MTFR1: variants seen among roughly 807,000 people sequenced by gnomAD.
The protein encoded by MTFR1 is chondrocyte protein with a poly-proline region.
In MTFR1, 28 loss-of-function variants were observed where a neutral mutation model predicts 38.8. The ratio of observed to expected loss-of-function variants is 0.72; its 90% CI spans 0.53 to 0.99. The LOEUF (loss-of-function observed/expected upper bound fraction) is 0.99, where lower values mean the gene tolerates loss of function less well. MTFR1 is among the 50% of genes least tolerant of loss of function. The pLI, the probability that MTFR1 is intolerant of heterozygous loss-of-function variation, is 0.00. For missense variants in MTFR1, 358 were observed against 395.5 expected (o/e 0.91, Z 0.81); for synonymous variants, 145 against 137.0 (o/e 1.06, Z -0.41).
At chr8:65,765,272 G>A (rs1585892966) in intron 3 of MTFR1, among the ~76,000 whole-genome samples, 1 of 151,544 alleles carries the variant, frequency 6.6e-6, no homozygotes, top group African/African-American at 2.4e-5. Context: ...GGCGGATCAC[G>A]AGGTCAGGAG....
At chr8:65,754,250 C>G (rs373058314) in intron 3 of MTFR1, among the ~76,000 whole-genome samples, 1 of 152,054 alleles carries the variant, frequency 6.6e-6, no homozygotes, top group Non-Finnish European at 1.5e-5. Flanking sequence ...GGTGCCCCCC[C>G]GCCCCAAGAT....
intron 3 of MTFR1, among the ~76,000 whole-genome samples, chr8:65,724,089 C>T (rs1253889495): frequency 6.6e-6 from 1 of 152,154 alleles, no homozygotes; most frequent in Non-Finnish European, 1.5e-5. Flanking sequence ...ATTTTCAAAA[C>T]AGATGCTCAA....
intron 1 of MTFR1, among the ~76,000 whole-genome samples, chr8:65,650,288 C>T (rs567034332): frequency 2.9e-4 from 43 of 148,430 alleles, no homozygotes; most frequent in Non-Finnish European, 5.3e-4. Flanking sequence ...TTCTCTGCCT[C>T]AGCCTCCCGA....
Position 65,706,915 on chromosome 8 carries a change from GT to G in MTFR1, c.518-94del. The G allele has an allele frequency of 2.2e-6, 3 of 1,374,306 alleles. No homozygotes were observed. In the South Asian group the frequency reaches 4.4e-5, roughly 20 times the overall value. The allele number at this position is 1,374,306 out of a possible 1,614,324, so 85.1% of individuals were successfully genotyped here. A position where few individuals can be genotyped will look rare whatever the true frequency, so the allele number is the denominator to read the frequency against. On this transcript the variant is annotated intron_variant, in intron 5 of 7. Transcript: ENST00000262146. ...AACGTTAAGAATATTGTTTTTAGGG[GT>G]ACAAAAATCTTTAACATCATTTTGC...
intron 3 of MTFR1, among the ~76,000 whole-genome samples, chr8:65,688,301 G>T (rs1269083503): frequency 6.6e-6 from 1 of 151,138 alleles, no homozygotes; most frequent in Non-Finnish European, 1.5e-5. Context: ...TTGGGAGGCT[G>T]ATGCAGGAGA....
intron 1 of MTFR1, among the ~76,000 whole-genome samples, chr8:65,650,010 T>C (rs1809076061): frequency 6.6e-6 from 1 of 151,480 alleles, no homozygotes; most frequent in South Asian, 2.1e-4. Context: ...GGCTGATTTT[T>C]GTATTTTTAG....
At chr8:65,673,553 A>G (rs1030643083) in intron 2 of MTFR1, among the ~76,000 whole-genome samples, 4 of 151,526 alleles carry the variant, frequency 2.6e-5, no homozygotes, top group Non-Finnish European at 4.4e-5. Flanking sequence ...ATGTATACCT[A>G]TTTAACAAAC....
chr8:65,723,612 T>C, intron 3 of MTFR1: 1 of 1,565,534 alleles, frequency 6.4e-7, no homozygotes, highest in Non-Finnish European at 8.6e-7. Flanking sequence ...ATATTTTTTT[T>C]CTATATCTCC....
chr8:65,719,878 G>T (rs1233678851), intron 3 of MTFR1: 1 of 243,224 alleles, frequency 4.1e-6, no homozygotes, highest in East Asian at 9.5e-5. Context: ...GGCTAAGAAG[G>T]GGTCTCCTTC....
At chr8:65,688,327 G>A (rs1286095271) in intron 3 of MTFR1, among the ~76,000 whole-genome samples, 1 of 150,814 alleles carries the variant, frequency 6.6e-6, no homozygotes, top group Non-Finnish European at 1.5e-5. Context: ...TTGAACCCAG[G>A]AGGCTGAGGT....
intron 1 of MTFR1, among the ~76,000 whole-genome samples, chr8:65,657,232 C>T (rs865851535): frequency 1.3e-5 from 2 of 152,070 alleles, no homozygotes; most frequent in African/African-American, 2.4e-5. Flanking sequence ...GGGCTGGTCT[C>T]GAATTCCTGA....
At chr8:65,682,919 G>A in intron 3 of MTFR1, 1 of 985,238 alleles carries the variant, frequency 1.0e-6, no homozygotes, top group South Asian at 4.7e-5. Context: ...CCATTGCCTT[G>A]GCAATGACAG....
chr8:65,645,849 A>T (rs1412831953), intron 1 of MTFR1, among the ~76,000 whole-genome samples: 1 of 152,222 alleles, frequency 6.6e-6, no homozygotes, highest in African/African-American at 2.4e-5. Context: ...ATTTTGAAGC[A>T]AATCCCAGAC....
chr8:65,748,876 G>A (rs1390543996), intron 3 of MTFR1, among the ~76,000 whole-genome samples: 1 of 152,196 alleles, frequency 6.6e-6, no homozygotes, highest in Non-Finnish European at 1.5e-5. Flanking sequence ...TAAAATTGAT[G>A]CTGCTCCCAC....
intron 1 of MTFR1, among the ~76,000 whole-genome samples, chr8:65,656,203 A>G (rs939045126): frequency 7.3e-5 from 11 of 151,512 alleles, no homozygotes; most frequent in Non-Finnish European, 1.2e-4. Flanking sequence ...TCTCAAAAAA[A>G]CAAAACAAAA....
intron 1 of MTFR1, among the ~76,000 whole-genome samples, chr8:65,657,779 G>T (rs768490912): frequency 1.3e-5 from 2 of 151,262 alleles, no homozygotes; most frequent in Non-Finnish European, 1.5e-5. Context: ...ATAACTTCAC[G>T]TTCCTTTTTT....
Position 65,747,564 on chromosome 8 carries a change from G to C in MTFR1, c.*49-23383G>C, listed in dbSNP as rs1022313643. On this transcript the variant is annotated intron_variant, in intron 3 of 3. Transcript: ENST00000521247. ...ACTGCTTTTCATAGACAGAGAAAAA[G>C]ACTCTATAAATCATTACTGTATGGG... The C allele has an allele frequency of 2.6e-5, 19 of 730,418 alleles. No individual in the cohort carries two copies. In the East Asian group the frequency reaches 5.8e-4, roughly 22 times the overall value. 45.2% of individuals were successfully genotyped at this position (730,418 alleles called of 1,614,324 possible). A position where few individuals can be genotyped will look rare whatever the true frequency, so the allele number is the denominator to read the frequency against.
Position 65,738,755 on chromosome 8 carries a change from C to T in MTFR1, c.*48+19274C>T, listed in dbSNP as rs145491397. ...GCCCCAAATAATCTTTAAAGCCTAC[C>T]GTCAAAGAGATTCTAGGGGTCAGAA... On this transcript the variant is annotated intron_variant, in intron 3 of 3. Coordinates refer to the MTFR1 transcript ENST00000521247. Among the ~76,000 whole-genome samples, 767 of 152,202 alleles carry T rather than the reference C, an allele frequency of 5.0e-3. 6 individuals carry two copies. The highest frequency in any genetic ancestry group is 0.017 in the African/African-American group (714 of 41,534).
At chr8:65,746,578 C>T (rs561251854) in intron 3 of MTFR1, among the ~76,000 whole-genome samples, 36 of 152,202 alleles carry the variant, frequency 2.4e-4, no homozygotes, top group African/African-American at 7.2e-4. Flanking sequence ...TTAACCTGAA[C>T]CTTTTGTGGA....
Sources: allele counts gnomAD v4.1 joint callset (sites outside exome capture counted in the v4.1 genomes callset), GRCh38; gene constraint gnomAD v4.1.1; transcripts MANE v1.5; gene names NCBI Gene and HGNC (gene_info 2026-07-23, HGNC 2026-07-21).